Variants in ATP13A4 observed in about 807,000 individuals in gnomAD.
ATP13A4 encodes ATPase 13A4.
A neutral mutation model predicts 142.5 loss-of-function variants in ATP13A4; 114 were observed. The ratio of observed to expected loss-of-function variants is 0.80; its 90% CI spans 0.69 to 0.93. The LOEUF is 0.93. Among genes scored for constraint, ATP13A4 ranks in the 40% least tolerant of loss-of-function variants. The probability of loss-of-function intolerance (pLI) is 0.00; values close to 1 mark genes in which losing one functional copy is unlikely to be tolerated. For synonymous variants in ATP13A4, 488 were observed against 514.8 expected (o/e 0.95, Z 0.70); for missense variants, 1,392 against 1,454.0 (o/e 0.96, Z 0.69).
chr3:193,443,443 T>C (rs551617977), intron 18 of ATP13A4, among the ~76,000 whole-genome samples: 53 of 152,340 alleles, frequency 3.5e-4, no homozygotes, highest in Non-Finnish European at 6.2e-4. Flanking sequence ...ATATTTTAGC[T>C]AAGATTGAAA....
At chr3:193,531,880 C>T (rs1335856301) in intron 1 of ATP13A4, among the ~76,000 whole-genome samples, 1 of 152,164 alleles carries the variant, frequency 6.6e-6, no homozygotes, top group Admixed American at 6.5e-5. Context: ...CCCACATAAA[C>T]TAAGCCCTGA....
In ATP13A4 at chr3:193,483,964, G is replaced by T. The variant is rs1399796614; in HGVS notation, c.780C>A (p.Ser260Arg). The T allele has an allele frequency of 6.2e-7, 1 of 1,609,162 alleles. No individual in the cohort carries two copies. The change falls in exon 8 of 30, where the codon AGC (serine) becomes AGA (arginine). Residue 260 changes from serine (S) to arginine (R), a missense_variant. Transcript: ENST00000342695. ...KLHHLVESHNSITVSVCGRKA... is the reference protein window; with the variant it reads ...KLHHLVESHNRITVSVCGRKA... ...TTCTCCCACATACAGAGACCGTAAT[G>T]CTATTATGTGACTCGACGAGATGGT...
At chr3:193,480,430 AG>A (rs1719224200) in intron 8 of ATP13A4, among the ~76,000 whole-genome samples, 1 of 152,150 alleles carries the variant, frequency 6.6e-6, no homozygotes, top group African/African-American at 2.4e-5. Flanking sequence ...CAAATCAGCA[AG>A]AAAAAAACAA....
At chr3:193,484,722 A>G (rs1251108075) in intron 7 of ATP13A4, among the ~76,000 whole-genome samples, 1 of 152,220 alleles carries the variant, frequency 6.6e-6, no homozygotes, top group Admixed American at 6.5e-5. Context: ...CCATTTGTGC[A>G]TTAATCAACA....
chr3:193,543,597 T>G (rs1723062625), intron 1 of ATP13A4, among the ~76,000 whole-genome samples: 1 of 152,186 alleles, frequency 6.6e-6, no homozygotes, highest in Non-Finnish European at 1.5e-5. Flanking sequence ...ACACTTTATC[T>G]GATTTTCAAA....
At chr3:193,524,987 G>A (rs1305873681) in intron 1 of ATP13A4, among the ~76,000 whole-genome samples, 1 of 151,956 alleles carries the variant, frequency 6.6e-6, no homozygotes, top group Non-Finnish European at 1.5e-5. Flanking sequence ...ATTTTTTCTG[G>A]TTTGTTTATG....
At chr3:193,582,145 TTTTC>T (rs1724560458) in intron 1 of ATP13A4, among the ~76,000 whole-genome samples, 2 of 105,736 alleles carry the variant, frequency 1.9e-5, no homozygotes, top group Non-Finnish European at 3.7e-5. Context: ...TATACTTTTC[TTTTC>T]TTTTTTTTTT....
chr3:193,485,156 G>C (rs576149995), intron 7 of ATP13A4, among the ~76,000 whole-genome samples: 1 of 151,040 alleles, frequency 6.6e-6, no homozygotes, highest in East Asian at 1.9e-4. Context: ...ATGAAGGCAG[G>C]AGAAATAAGT....
At chr3:193,480,948 TA>T (rs2108656253) in intron 8 of ATP13A4, among the ~76,000 whole-genome samples, 1 of 152,234 alleles carries the variant, frequency 6.6e-6, no homozygotes, top group African/African-American at 2.4e-5. Context: ...CATACAGACA[TA>T]AAAAATGAAA....
intron 2 of ATP13A4, among the ~76,000 whole-genome samples, chr3:193,572,729 C>CCA (rs1315987302): frequency 2.6e-5 from 4 of 151,998 alleles, no homozygotes; most frequent in Non-Finnish European, 5.9e-5. Flanking sequence ...AACTATGCAC[C>CCA]GCTGAGTGGT....
chr3:193,565,231 G>A (rs1253810227), intron 2 of ATP13A4, among the ~76,000 whole-genome samples: 1 of 152,152 alleles, frequency 6.6e-6, no homozygotes, highest in Non-Finnish European at 1.5e-5. Context: ...GAGGACTGCT[G>A]ATCTAGAACA....
intron 2 of ATP13A4, among the ~76,000 whole-genome samples, chr3:193,560,316 C>T (rs1445354830): frequency 6.6e-6 from 1 of 151,960 alleles, no homozygotes; most frequent in Non-Finnish European, 1.5e-5. Flanking sequence ...CCAAGGGATC[C>T]TGCCACCTCA....
In ATP13A4 at chr3:193,412,352, C is replaced by A. The variant is rs1393915471; in HGVS notation, c.3034G>T (p.Glu1012Ter). 1.2e-6 allele frequency: 2 copies of A among 1,614,098 alleles called. No homozygotes were observed. Among genetic ancestry groups the A allele is most frequent in the Non-Finnish European group, 8.5e-7 (1 of 1,179,996 alleles). Residue 1012 changes from glutamate (E) to a stop codon, truncating the protein, a stop_gained, in exon 27 of 30, where the codon GAA becomes TAA. Coordinates refer to ENST00000342695, the MANE Select transcript of ATP13A4 (RefSeq NM_032279.4). LOFTEE classifies it high-confidence loss of function. ...GACATGGTTAACTCTGAGATGCTTTCATTTTGTACTGTGCAGGCACTAAAA... is the reference window on the plus strand; with the variant it reads ...GACATGGTTAACTCTGAGATGCTTTAATTTTGTACTGTGCAGGCACTAAAA... The part of the protein sequence containing the change: ...EIHSACTVQN[E>*]SISELTMSPT...
At position 193,489,614 on chromosome 3, in the gene ATP13A4, C is replaced by T. The variant is rs139155607; in HGVS notation, c.738+116G>A. 1,751 of 1,125,306 alleles carry T rather than the reference C, an allele frequency of 1.6e-3. 49 individuals are homozygous for T. In the Admixed American group the frequency reaches 0.031, roughly 20 times the overall value. The allele number at this position is 1,125,306 out of a possible 1,614,324, so 69.7% of individuals were successfully genotyped here. A position where few individuals can be genotyped will look rare whatever the true frequency, so the allele number is the denominator to read the frequency against. ...ACTGTGCTAGGTATTTACAAACTTGCTCTCATTTACTACGGAGTAGGAAGT... is the reference window on the plus strand; with the variant it reads ...ACTGTGCTAGGTATTTACAAACTTGTTCTCATTTACTACGGAGTAGGAAGT... On this transcript the variant is annotated intron_variant, in intron 7 of 29. Transcript: ENST00000342695.
chr3:193,424,263 A>T (rs1302093174), intron 25 of ATP13A4, among the ~76,000 whole-genome samples: 1 of 149,426 alleles, frequency 6.7e-6, no homozygotes. Context: ...TACCTAAAAC[A>T]ATCTACAGAT....
At chr3:193,458,252 T>G (rs1398734503) in intron 14 of ATP13A4, among the ~76,000 whole-genome samples, 1 of 152,220 alleles carries the variant, frequency 6.6e-6, no homozygotes, top group Non-Finnish European at 1.5e-5. Context: ...AGCTAAGTAG[T>G]CAGGGATGCA....
intron 1 of ATP13A4, among the ~76,000 whole-genome samples, chr3:193,536,793 C>G (rs764889495): frequency 6.6e-6 from 1 of 151,962 alleles, no homozygotes; most frequent in Non-Finnish European, 1.5e-5. Context: ...CATAGACATA[C>G]AAAAATTAAT....
At chr3:193,531,150 T>A (rs928330172) in intron 1 of ATP13A4, among the ~76,000 whole-genome samples, 2 of 152,008 alleles carry the variant, frequency 1.3e-5, no homozygotes, top group African/African-American at 2.4e-5. Flanking sequence ...GCACCTTGCA[T>A]ATACTGGTGT....
In ATP13A4 at chr3:193,448,403, GCT is replaced by G. The variant is rs937392246; in HGVS notation, c.2028-75_2028-74del. 1.3e-5 allele frequency: 20 copies of G among 1,560,652 alleles called. No homozygotes were observed. In the African/African-American group the frequency reaches 2.6e-4, roughly 20 times the overall value. Reference sequence around the variant, plus strand: ...AGCTTTTTTTTTGAGACGGAGTCTCGCTCTGTCATCCAGGCTGGAGGACAGTG... The same window carrying G: ...AGCTTTTTTTTTGAGACGGAGTCTCGCTGTCATCCAGGCTGGAGGACAGTG... On this transcript the variant is annotated intron_variant, in intron 17 of 29. Transcript: ENST00000342695.
Sources: allele counts gnomAD v4.1 joint callset (sites outside exome capture counted in the v4.1 genomes callset), GRCh38; gene constraint gnomAD v4.1.1; transcripts MANE v1.5; gene names NCBI Gene and HGNC (gene_info 2026-07-23, HGNC 2026-07-21).